ANO6: variants seen among roughly 807,000 people sequenced by gnomAD.
ANO6 encodes the protein anoctamin 6.
Under a neutral mutation model 117.5 loss-of-function variants are expected in ANO6, and 106 were observed. That is an observed-to-expected ratio of 0.90 (90% CI 0.77 to 1.06). The LOEUF is 1.06. Among genes scored for constraint, ANO6 ranks in the 50% least tolerant of loss-of-function variants. ANO6 has a pLI of 0.00. For synonymous variants in ANO6, 367 were observed against 385.1 expected (o/e 0.95, Z 0.55); for missense variants, 955 against 1,121.1 (o/e 0.85, Z 2.12).
In ANO6 at chr12:45,429,479, A is replaced by G. The variant is rs1943584494; in HGVS notation, c.*168A>G. Reference sequence around the variant, plus strand: ...TTTCAGCTAGCGATGCAGAAACTGGAAAATGTAAAACTTAGATCATGAAGG... The same window carrying G: ...TTTCAGCTAGCGATGCAGAAACTGGGAAATGTAAAACTTAGATCATGAAGG... On this transcript the variant is annotated 3_prime_UTR_variant, in exon 20 of 20. Coordinates refer to ENST00000320560, the MANE Select transcript of ANO6 (RefSeq NM_001025356.3). The G allele has an allele frequency of 1.4e-6, 2 of 1,445,832 alleles. No homozygotes were observed. Among genetic ancestry groups the G allele is most frequent in the Non-Finnish European group, 1.8e-6 (2 of 1,105,236 alleles). The allele number at this position is 1,445,832 out of a possible 1,614,324, so 89.6% of individuals were successfully genotyped here.
chr12:45,263,075 GA>G (rs199519765), intron 1 of ANO6, among the ~76,000 whole-genome samples: 3,933 of 152,002 alleles, frequency 0.026, 112 homozygotes, highest in Admixed American at 0.07. Flanking sequence ...GCATGCATCA[GA>G]TTTTTTTGCT....
At chr12:45,319,485 A>G (rs1940178093) in intron 2 of ANO6, among the ~76,000 whole-genome samples, 1 of 152,200 alleles carries the variant, frequency 6.6e-6, no homozygotes, top group Non-Finnish European at 1.5e-5. Context: ...CACAGTGGAT[A>G]AGCTTTTTGA....
intron 2 of ANO6, among the ~76,000 whole-genome samples, chr12:45,328,020 C>T (rs1425047861): frequency 6.6e-6 from 1 of 152,022 alleles, no homozygotes; most frequent in African/African-American, 2.4e-5. Flanking sequence ...CTGAGTACAC[C>T]TTGATCATCA....
intron 1 of ANO6, among the ~76,000 whole-genome samples, chr12:45,228,906 CCTT>C (rs34841363): frequency 0.17 from 25,293 of 151,922 alleles, 3,235 homozygotes; most frequent in East Asian, 0.36. Context: ...TGAGACAGGA[CCTT>C]CTTCTCATCC....
chr12:45,344,673 A>C (rs1941078253), intron 3 of ANO6, among the ~76,000 whole-genome samples: 1 of 152,200 alleles, frequency 6.6e-6, no homozygotes, highest in Non-Finnish European at 1.5e-5. Context: ...CACAAATCGA[A>C]ACCATGTCGG....
intron 2 of ANO6, among the ~76,000 whole-genome samples, chr12:45,316,785 C>A (rs1565684319): frequency 1.3e-5 from 2 of 150,576 alleles, no homozygotes; most frequent in South Asian, 2.1e-4. Context: ...ATGTATTATA[C>A]TATTATAACA....
At chr12:45,359,409 C>A (rs1941496686) in intron 8 of ANO6, among the ~76,000 whole-genome samples, 1 of 151,856 alleles carries the variant, frequency 6.6e-6, no homozygotes, top group Non-Finnish European at 1.5e-5. Flanking sequence ...ATTTTTATTG[C>A]CCTCAAAAGA....
At chr12:45,416,402 G>T (rs1348008707) in intron 16 of ANO6, among the ~76,000 whole-genome samples, 1 of 151,998 alleles carries the variant, frequency 6.6e-6, no homozygotes, top group Non-Finnish European at 1.5e-5. Context: ...ATATGCTTAT[G>T]ATGTCTCAAG....
intron 15 of ANO6, among the ~76,000 whole-genome samples, chr12:45,406,653 G>C (rs929920374): frequency 1.3e-5 from 2 of 152,154 alleles, no homozygotes; most frequent in Non-Finnish European, 2.9e-5. Flanking sequence ...GATTTGGAGA[G>C]AAGATGAGCT....
chr12:45,419,822 A>T (rs535859251), intron 17 of ANO6, among the ~76,000 whole-genome samples: 40 of 152,230 alleles, frequency 2.6e-4, no homozygotes, highest in African/African-American at 8.7e-4. Context: ...AATTCATATA[A>T]TTCAGAATAG....
intron 1 of ANO6, among the ~76,000 whole-genome samples, chr12:45,233,849 G>A (rs1437528593): frequency 1.3e-5 from 2 of 152,074 alleles, no homozygotes; most frequent in African/African-American, 4.8e-5. Context: ...CTTGAGCTTC[G>A]TTCTAAAGAA....
chr12:45,368,302 C>T (rs1349776764), intron 9 of ANO6, among the ~76,000 whole-genome samples: 1 of 152,160 alleles, frequency 6.6e-6, no homozygotes, highest in Non-Finnish European at 1.5e-5. Context: ...ATTTGGGATA[C>T]TCAACCTGTG....
chr12:45,374,014 A>C (rs1288127052), intron 9 of ANO6, among the ~76,000 whole-genome samples: 1 of 152,126 alleles, frequency 6.6e-6, no homozygotes, highest in African/African-American at 2.4e-5. Flanking sequence ...AAAATGATAA[A>C]GGGGATATCA....
At chr12:45,323,756 C>T (rs1162493828) in intron 2 of ANO6, among the ~76,000 whole-genome samples, 2 of 152,176 alleles carry the variant, frequency 1.3e-5, no homozygotes, top group East Asian at 3.9e-4. Flanking sequence ...CTGCCAGATA[C>T]CAAAGTCTGT....
intron 2 of ANO6, among the ~76,000 whole-genome samples, chr12:45,329,098 A>T (rs1478496968): frequency 9.9e-5 from 15 of 152,100 alleles, no homozygotes; most frequent in Admixed American, 9.8e-4. Context: ...ACTTTCAAAC[A>T]CCCTTACACA....
At chr12:45,370,740 A>G (rs992257425) in intron 9 of ANO6, among the ~76,000 whole-genome samples, 1 of 152,210 alleles carries the variant, frequency 6.6e-6, no homozygotes, top group Non-Finnish European at 1.5e-5. Context: ...GATTTGAAAT[A>G]TGTGGTCTTA....
chr12:45,306,296 A>G (rs1939666373), intron 2 of ANO6, among the ~76,000 whole-genome samples: 1 of 152,166 alleles, frequency 6.6e-6, no homozygotes, highest in Non-Finnish European at 1.5e-5. Context: ...GATGTTTTTC[A>G]TTGCTTAGTC....
chr12:45,231,683 C>T (rs1231767971), intron 1 of ANO6, among the ~76,000 whole-genome samples: 1 of 152,192 alleles, frequency 6.6e-6, no homozygotes. Context: ...CAGACCATCT[C>T]ATATTTTCTG....
intron 2 of ANO6, among the ~76,000 whole-genome samples, chr12:45,330,756 T>G (rs960397114): frequency 1.3e-5 from 2 of 152,076 alleles, no homozygotes; most frequent in South Asian, 4.1e-4. Context: ...TAGTGCAGCT[T>G]TTGTTTATAT....
Sources: gnomAD v4.1 joint callset for allele counts (sites outside exome capture counted in the v4.1 genomes callset) on GRCh38, gnomAD v4.1.1 for gene constraint, MANE v1.5 for transcripts, NCBI Gene and HGNC (gene_info 2026-07-23, HGNC 2026-07-21) for gene names.